Variants in BEND6 observed in about 807,000 individuals in gnomAD.
BEND6 encodes the protein BEN domain containing 6.
BEND6 carries 24 observed loss-of-function variants against 31.8 expected under a neutral mutation model. The ratio of observed to expected loss-of-function variants is 0.75; its 90% CI spans 0.55 to 1.06. The LOEUF is 1.06. Ranked by LOEUF, BEND6 falls within the 50% of genes least tolerant of loss-of-function variation. The pLI is 0.00. For synonymous variants in BEND6, 109 were observed against 114.6 expected (o/e 0.95, Z 0.31); for missense variants, 294 against 327.4 (o/e 0.90, Z 0.79).
intron 3 of BEND6, among the ~76,000 whole-genome samples, chr6:56,994,224 C>T (rs1208437754): frequency 6.6e-6 from 1 of 151,722 alleles, no homozygotes; most frequent in Non-Finnish European, 1.5e-5. Flanking sequence ...CTTTGGGAGG[C>T]CGAGGTGGGT....
intron 6 of BEND6, among the ~76,000 whole-genome samples, chr6:57,024,018 G>T (rs1827830360): frequency 6.6e-6 from 1 of 152,164 alleles, no homozygotes. Context: ...ATACACATAA[G>T]AAGTTGTTTT....
At chr6:57,012,676 T>A (rs1220927497) in intron 3 of BEND6, among the ~76,000 whole-genome samples, 1 of 152,080 alleles carries the variant, frequency 6.6e-6, no homozygotes, top group Non-Finnish European at 1.5e-5. Context: ...AAAAGAGCCT[T>A]GATACAATGC....
chr6:56,984,489 AT>A (rs1826186144), intron 2 of BEND6, among the ~76,000 whole-genome samples: 1 of 152,174 alleles, frequency 6.6e-6, no homozygotes, highest in African/African-American at 2.4e-5. Flanking sequence ...ATGGGAGAAA[AT>A]GATATCTCAT....
chr6:56,960,068 A>G (rs907351863), intron 1 of BEND6, among the ~76,000 whole-genome samples: 2 of 152,204 alleles, frequency 1.3e-5, no homozygotes, highest in African/African-American at 4.8e-5. Context: ...TTGGAAAGTA[A>G]TCATTTATTA....
intron 1 of BEND6, among the ~76,000 whole-genome samples, chr6:56,956,407 T>G (rs1415592285): frequency 6.6e-6 from 1 of 152,228 alleles, no homozygotes; most frequent in African/African-American, 2.4e-5. Flanking sequence ...GAAAGCTTAA[T>G]CATTGATGTC....
intron 3 of BEND6, chr6:57,009,764 G>A (rs942395352): frequency 6.6e-6 from 1 of 152,170 alleles, no homozygotes; most frequent in Non-Finnish European, 1.5e-5. Flanking sequence ...ACAATAGATA[G>A]ACACATATTG....
Position 57,018,428 on chromosome 6 carries a change from A to G in BEND6, c.720A>G (p.Thr240=). 2 of 1,583,114 alleles carry G rather than the reference A, an allele frequency of 1.3e-6. No homozygotes were observed. Among genetic ancestry groups the G allele is most frequent in the East Asian group, 4.6e-5 (2 of 43,208 alleles). Residue 240 remains threonine, a synonymous_variant, in exon 6 of 7, where the codon ACA becomes ACG. Transcript: ENST00000370746. ...GCTATTGGTTTTTTACAGGAGTAACAAAACAATTATTTCCCAATACGGATG... is the reference window on the plus strand; with the variant it reads ...GCTATTGGTTTTTTACAGGAGTAACGAAACAATTATTTCCCAATACGGATG... ...QNEVQEIIGV[T]KQLFPNTDDV...
chr6:56,988,130 C>T (rs2127858870), intron 2 of BEND6, among the ~76,000 whole-genome samples: 1 of 151,736 alleles, frequency 6.6e-6, no homozygotes, highest in East Asian at 1.9e-4. Flanking sequence ...GATTCTTCTG[C>T]CTCAGCCTCC....
chr6:56,999,895 C>A (rs528354021), intron 3 of BEND6, among the ~76,000 whole-genome samples: 15 of 152,056 alleles, frequency 9.9e-5, no homozygotes, highest in Middle Eastern at 3.4e-3. Flanking sequence ...ATGTGAGGAG[C>A]GCCTCTGCCC....
At chr6:56,983,350 A>G (rs2127854152) in intron 2 of BEND6, among the ~76,000 whole-genome samples, 1 of 152,306 alleles carries the variant, frequency 6.6e-6, no homozygotes. Context: ...CCCAAACACA[A>G]AACAATTTTA....
chr6:56,986,648 A>ATAATAATAATT (rs1203160020), intron 2 of BEND6, among the ~76,000 whole-genome samples: 3 of 152,184 alleles, frequency 2.0e-5, no homozygotes, highest in Non-Finnish European at 4.4e-5. Flanking sequence ...TTATTATTTA[A>ATAATAATAATT]GTCACTTCAG....
chr6:57,012,171 A>C (rs1370104569), intron 3 of BEND6, among the ~76,000 whole-genome samples: 1 of 152,170 alleles, frequency 6.6e-6, no homozygotes, highest in Non-Finnish European at 1.5e-5. Flanking sequence ...AATATATTGG[A>C]TATTAGGGAA....
intron 3 of BEND6, among the ~76,000 whole-genome samples, chr6:56,994,113 T>C (rs1448273810): frequency 6.6e-6 from 1 of 152,192 alleles, no homozygotes; most frequent in Non-Finnish European, 1.5e-5. Flanking sequence ...CTTCCAGAAC[T>C]TAGCATAGGA....
chr6:57,004,431 A>C (rs1024445037), intron 3 of BEND6: 14 of 579,240 alleles, frequency 2.4e-5, no homozygotes, highest in Non-Finnish European at 4.5e-5. Flanking sequence ...CCCCCACCCC[A>C]GCTGGCTGCC....
intron 1 of BEND6, among the ~76,000 whole-genome samples, chr6:56,959,851 T>C (rs1473730030): frequency 6.6e-6 from 1 of 152,216 alleles, no homozygotes; most frequent in Non-Finnish European, 1.5e-5. Flanking sequence ...TGTTTTAACA[T>C]TTTAGCTATT....
chr6:57,001,180 G>A (rs1826928797), intron 3 of BEND6, among the ~76,000 whole-genome samples: 1 of 147,002 alleles, frequency 6.8e-6, no homozygotes, highest in South Asian at 2.2e-4. Context: ...TTTGGAGACA[G>A]GGTCTCAGGG....
chr6:57,021,568 C>A (rs913245683), intron 6 of BEND6, among the ~76,000 whole-genome samples: 4 of 152,072 alleles, frequency 2.6e-5, no homozygotes, highest in African/African-American at 9.7e-5. Flanking sequence ...TGTGGCTGCC[C>A]TAAAGTTGCC....
At chr6:57,016,541 T>C (rs771921896) in intron 4 of BEND6, among the ~76,000 whole-genome samples, 7 of 152,212 alleles carry the variant, frequency 4.6e-5, no homozygotes, top group Non-Finnish European at 7.3e-5. Flanking sequence ...TTCTTGCTGG[T>C]TGTAAACTGA....
intron 3 of BEND6, among the ~76,000 whole-genome samples, chr6:56,993,814 C>A (rs1826599414): frequency 6.6e-6 from 1 of 152,156 alleles, no homozygotes; most frequent in Non-Finnish European, 1.5e-5. Flanking sequence ...CCTCCTGCCT[C>A]AGCCTCCTGA....
Sources: allele counts gnomAD v4.1 joint callset (sites outside exome capture counted in the v4.1 genomes callset), GRCh38; gene constraint gnomAD v4.1.1; transcripts MANE v1.5; gene names NCBI Gene and HGNC (gene_info 2026-07-23, HGNC 2026-07-21).